MASP2: variants seen among roughly 807,000 people sequenced by gnomAD.
MASP2 encodes MBL associated serine protease 2, also known as mannan-binding lectin serine protease 2.
In MASP2, 49 loss-of-function variants were observed where a neutral mutation model predicts 57.1. The observed-to-expected ratio is 0.86, with a 90% CI of 0.68 to 1.09. MASP2 has a LOEUF of 1.09. Among genes scored for constraint, MASP2 ranks in the 50% least tolerant of loss-of-function variants. The pLI, the probability that MASP2 is intolerant of heterozygous loss-of-function variation, is 0.00. For missense variants in MASP2, 900 were observed against 874.8 expected, an observed-to-expected ratio of 1.03 and a Z score of -0.36; for synonymous variants, 379 against 340.8, an observed-to-expected ratio of 1.11 and a Z score of -1.24.
At chr1:11,042,772 T>C (rs1638499641) in intron 6 of MASP2, 103 bp downstream of exon 6, 3 of 1,349,490 alleles carry the variant, frequency 2.2e-6, no homozygotes, top group Middle Eastern at 2.4e-4. Flanking sequence ...TGTCCCTTCC[T>C]AGTCCTGGCC....
chr1:11,044,766 ACCCTC>A, intron 4 of MASP2: 2 of 994,432 alleles, frequency 2.0e-6, no homozygotes, highest in Non-Finnish European at 2.8e-6. Context: ...CCGCCTCCCG[ACCCTC>A]CCACCCCAGA....
chr1:11,040,253 G>A (rs1399853448), intron 6 of MASP2, among the ~76,000 whole-genome samples: 2 of 152,054 alleles, frequency 1.3e-5, no homozygotes, highest in African/African-American at 4.8e-5. Flanking sequence ...GATGGATCAC[G>A]AGGTCAAGAG....
At chr1:11,030,355 A>C (rs1280661822) in intron 9 of MASP2, 105 bp from the exon 10 acceptor site, 2 of 753,082 alleles carry the variant, frequency 2.7e-6, no homozygotes, top group Non-Finnish European at 4.5e-6. Context: ...CATCAGTGGG[A>C]CATAGAGGTG....
chr1:11,036,614 G>C (rs1314179151), intron 7 of MASP2, among the ~76,000 whole-genome samples: 1 of 147,564 alleles, frequency 6.8e-6, no homozygotes, highest in African/African-American at 2.5e-5. Flanking sequence ...TTTGCAAGGT[G>C]GGAAAAGTGT....
Position 11,044,794 on chromosome 1 carries a change from C to T in MASP2, c.544+614G>A, listed in dbSNP as rs113535747. ...CTCCCACCCCAGAGACACGTGGCAG[C>T]AGGTGGGGTGGGGCCAGGTTTATTA... On this transcript the variant is annotated intron_variant, in intron 4 of 10. Transcript: ENST00000400897. 10,519 of 1,510,304 alleles carry T rather than the reference C, an allele frequency of 7.0e-3. 595 individuals carry two copies. The African/African-American group carries it at 0.13, about 18-fold the overall frequency. The allele number at this position is 1,510,304 out of a possible 1,614,324, so 93.6% of individuals were successfully genotyped here.
intron 8 of MASP2, among the ~76,000 whole-genome samples, chr1:11,033,178 A>AT (rs1392690812): frequency 6.6e-6 from 1 of 151,930 alleles, no homozygotes; most frequent in Non-Finnish European, 1.5e-5. Flanking sequence ...AAAATACAAA[A>AT]TTAGCCGGGC....
intron 7 of MASP2, 44 bp downstream of exon 7, chr1:11,037,649 C>T: frequency 8.0e-7 from 1 of 1,250,554 alleles, no homozygotes; most frequent in Non-Finnish European, 1.1e-6. Context: ...GTTTACATTT[C>T]AAAGCAATCG....
chr1:11,036,254 C>T (rs1643884936), intron 7 of MASP2, among the ~76,000 whole-genome samples: 1 of 151,998 alleles, frequency 6.6e-6, no homozygotes, highest in African/African-American at 2.4e-5. Flanking sequence ...CCTGTAATCC[C>T]AGCACTTTGG....
chr1:11,041,074 G>T (rs1032125679), intron 6 of MASP2, among the ~76,000 whole-genome samples: 3 of 148,794 alleles, frequency 2.0e-5, no homozygotes, highest in Non-Finnish European at 3.0e-5. Context: ...TGGAAGGATG[G>T]GTGGGTAGGT....
chr1:11,046,588 A>G lies in MASP2; in HGVS notation c.380T>C (p.Phe127Ser). ...FRSDYSNEKPFTGFEAFYAAE... is the reference protein window; with the variant it reads ...FRSDYSNEKPSTGFEAFYAAE... The stretch of plus-strand genomic sequence containing the variant: ...TGCATAGAAGGCCTCGAACCCCGTG[A>G]ACGGCTTCTCGTTGGAGTAGTCGGA... The change falls in exon 3 of 11, where the codon TTC (phenylalanine) becomes TCC (serine). Residue 127 changes from phenylalanine to serine, a missense_variant. Phe to Ser is a radical substitution (Grantham distance 155). Transcript: ENST00000400897. The G allele has an allele frequency of 6.2e-7, 1 of 1,613,870 alleles. No individual in the cohort carries two copies. Among genetic ancestry groups the G allele is most frequent in the African/African-American group, 1.3e-5 (1 of 75,066 alleles).
Position 11,030,870 on chromosome 1 carries a change from CCA to C in MASP2, c.1098_1099del (p.Cys366TrpfsTer4), listed in dbSNP as rs1211477627. ...GCCACTGGGTAGATCATCAGGAGGGCCACAGTCAACAACTAAGAAAGAAGCAT... is the reference window on the plus strand; with the variant it reads ...GCCACTGGGTAGATCATCAGGAGGGCCAGTCAACAACTAAGAAAGAAGCAT... On this transcript the variant is annotated frameshift_variant, in exon 9 of 11. Coordinates refer to ENST00000400897, the MANE Select transcript of MASP2 (RefSeq NM_006610.4). LOFTEE classifies it high-confidence loss of function. The C allele has an allele frequency of 1.2e-6, 2 of 1,612,216 alleles. No individual in the cohort carries two copies. Among genetic ancestry groups the C allele is most frequent in the Non-Finnish European group, 8.5e-7 (1 of 1,179,302 alleles).
At chr1:11,043,921 C>T (rs1386747363) in intron 4 of MASP2, among the ~76,000 whole-genome samples, 10 of 137,570 alleles carry the variant, frequency 7.3e-5, no homozygotes, top group Non-Finnish European at 1.1e-4. Context: ...GGGCGGGGGG[C>T]GGGGGTGGAT....
chr1:11,032,962 AC>A (rs1643864594), intron 8 of MASP2, among the ~76,000 whole-genome samples: 1 of 152,230 alleles, frequency 6.6e-6, no homozygotes, highest in Non-Finnish European at 1.5e-5. Context: ...TGGTGGTATT[AC>A]AGGTATTAAG....
Position 11,042,885 on chromosome 1 carries a change from G to A in MASP2, c.879C>T (p.Tyr293=), listed in dbSNP as rs747890007. Residue 293 remains tyrosine, a synonymous_variant, in exon 6 of 11, where the codon TAC becomes TAT. Coordinates refer to ENST00000400897, the MANE Select transcript of MASP2 (RefSeq NM_006610.4). Reference sequence around the variant, plus strand: ...GACCCACTTGCTCACCTGTGCTCGTGTAGTGGATCTTCCAGCCTGTGTGGT... The same window carrying A: ...GACCCACTTGCTCACCTGTGCTCGTATAGTGGATCTTCCAGCCTGTGTGGT... ...SGDHTGWKIH[Y]TSTAQPCPYP... 4 of 1,613,952 alleles carry A rather than the reference G, an allele frequency of 2.5e-6. No individual in the cohort carries two copies. The highest frequency in any genetic ancestry group is 2.5e-6 in the Non-Finnish European group (3 of 1,179,900).
At position 11,026,669 on chromosome 1, in the gene MASP2, AC is replaced by A; in HGVS notation, c.*215del. The A allele has an allele frequency of 7.8e-6, 3 of 384,206 alleles. No homozygotes were observed. The highest frequency in any genetic ancestry group is 9.2e-6 in the Non-Finnish European group (2 of 217,424). 23.8% of individuals were successfully genotyped at this position (384,206 alleles called of 1,614,324 possible). ...CACTGGGTGGGCAAAGATGACTGTC[AC>A]TCTCGTGGTTTATGTCCCCTTGAGT... On this transcript the variant is annotated 3_prime_UTR_variant, in exon 11 of 11. Coordinates refer to ENST00000400897, the MANE Select transcript of MASP2 (RefSeq NM_006610.4).
intron 6 of MASP2, among the ~76,000 whole-genome samples, chr1:11,038,978 T>C (rs189376178): frequency 6.6e-6 from 1 of 152,274 alleles, no homozygotes; most frequent in East Asian, 1.9e-4. Flanking sequence ...CTTCCACAGC[T>C]CCACACCCTG....
chr1:11,034,714 A>AAAAT, intron 8 of MASP2, 114 bp downstream of exon 8: 1 of 700,396 alleles, frequency 1.4e-6, no homozygotes, highest in Non-Finnish European at 2.3e-6. Context: ...AAAAAAAAAA[A>AAAAT]GGGAAAGAAA....
rs1168491348 is a variant in MASP2, at chr1:11,027,006, C to A, written c.1940G>T (p.Trp647Leu). ...LVFLDSETER[W>L]FVGGIVSWGS... ...CCAGGACACTATTCCTCCCACAAAC[C>A]ACCTCTCTGTTTCACTATCTAGAAA... Residue 647 changes from tryptophan (W) to leucine (L), a missense_variant, in exon 11 of 11, where the codon TGG (tryptophan) becomes TTG (leucine). By Grantham distance (61) the Trp-to-Leu change is moderately conservative (BLOSUM62 -2). Transcript: ENST00000400897. 3 of 1,598,846 alleles carry A rather than the reference C, an allele frequency of 1.9e-6. No individual in the cohort carries two copies. The Admixed American group carries it at 5.2e-5, about 28-fold the overall frequency.
Position 11,027,325 on chromosome 1 carries a change from TG to T in MASP2, c.1620del (p.Asn540LysfsTer4). The T allele has an allele frequency of 6.2e-7, 1 of 1,614,132 alleles. No homozygotes were observed. Among genetic ancestry groups the T allele is most frequent in the Admixed American group, 1.7e-5 (1 of 60,024 alleles). On this transcript the variant is annotated frameshift_variant, in exon 11 of 11. Coordinates refer to ENST00000400897, the MANE Select transcript of MASP2 (RefSeq NM_006610.4). LOFTEE classifies it low-confidence loss of function (END_TRUNC). ...DNDIALIKLN[N>X]KVVINSNITP... ...GTGATGTTGCTATTGATTACAACTT[TG>T]TTATTCAATTTAATCAGTGCTATGT... is the stretch of plus-strand genomic sequence containing the variant.
Sources: gnomAD v4.1 joint callset for allele counts (sites outside exome capture counted in the v4.1 genomes callset) on GRCh38, gnomAD v4.1.1 for gene constraint, MANE v1.5 for transcripts, NCBI Gene and HGNC (gene_info 2026-07-23, HGNC 2026-07-21) for gene names.